FOXP1: variants seen among roughly 807,000 people sequenced by gnomAD.
The protein encoded by FOXP1 is forkhead box P1.
In FOXP1, 15 loss-of-function variants were observed where a neutral mutation model predicts 98.2. That is an observed-to-expected ratio of 0.15 (90% CI 0.10 to 0.24). FOXP1 has a LOEUF of 0.24. Ranked by LOEUF, FOXP1 falls within the 10% of genes least tolerant of loss-of-function variation. The pLI, the probability that FOXP1 is intolerant of heterozygous loss-of-function variation, is 1.00. For synonymous variants in FOXP1, 371 were observed against 314.5 expected (o/e 1.18, Z -1.90); for missense variants, 633 against 848.5 (o/e 0.75, Z 3.15).
chr3:71,113,797 T>A, intron 6 of FOXP1, among the ~76,000 whole-genome samples: 1 of 137,596 alleles, frequency 7.3e-6, no homozygotes, highest in East Asian at 2.6e-4. Flanking sequence ...ATGTCATCAA[T>A]AAACCGCCAT....
intron 7 of FOXP1, among the ~76,000 whole-genome samples, chr3:71,080,358 G>C (rs1223617302): frequency 6.6e-6 from 1 of 152,130 alleles, no homozygotes; most frequent in Non-Finnish European, 1.5e-5. Flanking sequence ...AGATGAAAAT[G>C]AATCTCTGGA....
intron 7 of FOXP1, 131 bp downstream of exon 7, chr3:71,112,404 TA>T: frequency 1.3e-6 from 1 of 769,322 alleles, no homozygotes; most frequent in Non-Finnish European, 2.2e-6. Flanking sequence ...AACTTGCTGG[TA>T]AACCAAAAAT....
intron 3 of FOXP1, among the ~76,000 whole-genome samples, chr3:71,370,087 G>C (rs916469273): frequency 6.6e-6 from 1 of 152,146 alleles, no homozygotes; most frequent in East Asian, 1.9e-4. Flanking sequence ...ATGATCCTAG[G>C]ATTTTCTGAC....
intron 6 of FOXP1, among the ~76,000 whole-genome samples, chr3:71,156,118 C>A (rs2060810419): frequency 1.3e-5 from 2 of 152,126 alleles, no homozygotes; most frequent in Admixed American, 1.3e-4. Context: ...ATCAGGAGGA[C>A]TGCTGAACGA....
intron 6 of FOXP1, among the ~76,000 whole-genome samples, chr3:71,188,366 C>G (rs576965062): frequency 6.6e-6 from 1 of 151,728 alleles, no homozygotes; most frequent in Non-Finnish European, 1.5e-5. Flanking sequence ...GATAAAAACA[C>G]GAATGTAGGA....
intron 7 of FOXP1, among the ~76,000 whole-genome samples, chr3:71,104,495 GT>G (rs904940023): frequency 6.6e-6 from 1 of 151,922 alleles, no homozygotes; most frequent in Admixed American, 6.6e-5. Flanking sequence ...TTACATTTCA[GT>G]TTTTTTTCTT....
rs79587124 is a variant in FOXP1, at chr3:71,107,854, A to G, written c.282+4682T>C. Among the ~76,000 whole-genome samples, 702 of 152,348 alleles carry G rather than the reference A, an allele frequency of 4.6e-3. 6 individuals carry two copies. The highest frequency in any genetic ancestry group is 5.9e-3 in the Non-Finnish European group (403 of 68,028). On this transcript the variant is annotated intron_variant, in intron 7 of 20. Coordinates refer to ENST00000649528, the MANE Select transcript of FOXP1 (RefSeq NM_001349338.3). ...AAATGCTGCCTAAAGCATGTTTTAT[A>G]TAACTGCAAATAAAAATGCTAAAAA...
intron 20 of FOXP1, among the ~76,000 whole-genome samples, chr3:70,961,625 T>C (rs1460055907): frequency 1.3e-5 from 2 of 151,854 alleles, no homozygotes; most frequent in East Asian, 3.8e-4. Flanking sequence ...GCATTACGGA[T>C]GGGGATTTTT....
At chr3:71,173,986 C>A (rs1221146489) in intron 6 of FOXP1, among the ~76,000 whole-genome samples, 9 of 152,080 alleles carry the variant, frequency 5.9e-5, no homozygotes, top group Admixed American at 5.9e-4. Flanking sequence ...AACTTTACCA[C>A]CCTCTACACA....
At chr3:71,257,443 AG>A (rs933914910) in intron 5 of FOXP1, among the ~76,000 whole-genome samples, 27 of 152,010 alleles carry the variant, frequency 1.8e-4, no homozygotes, top group African/African-American at 5.8e-4. Context: ...AAAATAGCCG[AG>A]GGTGGTGGCA....
intron 6 of FOXP1, among the ~76,000 whole-genome samples, chr3:71,146,050 A>G (rs1266564039): frequency 6.6e-6 from 1 of 152,202 alleles, no homozygotes; most frequent in African/African-American, 2.4e-5. Flanking sequence ...GGAAATGAAA[A>G]ATGCAACCCG....
intron 6 of FOXP1, among the ~76,000 whole-genome samples, chr3:71,117,583 G>A (rs905185902): frequency 6.6e-6 from 1 of 152,126 alleles, no homozygotes; most frequent in African/African-American, 2.4e-5. Flanking sequence ...AAGGAAGAAG[G>A]AGAGGGCAAG....
At chr3:70,969,947 C>T (rs991825349) in intron 19 of FOXP1, 2 of 152,270 alleles carry the variant, frequency 1.3e-5, no homozygotes, top group African/African-American at 4.8e-5. Context: ...GAGTACTACA[C>T]CCAGGTACTT....
chr3:71,035,254 A>G (rs936308406), intron 11 of FOXP1, among the ~76,000 whole-genome samples: 11 of 152,258 alleles, frequency 7.2e-5, no homozygotes, highest in African/African-American at 2.4e-4. Context: ...TCAGACCAAG[A>G]AAGTCCAGGT....
At chr3:71,005,510 G>T (rs940956374) in intron 12 of FOXP1, among the ~76,000 whole-genome samples, 1 of 151,716 alleles carries the variant, frequency 6.6e-6, no homozygotes, top group Admixed American at 6.6e-5. Flanking sequence ...TATATTATTT[G>T]GGGGAAATGT....
chr3:71,002,606 T>G (rs757776530), intron 12 of FOXP1, among the ~76,000 whole-genome samples: 1 of 152,178 alleles, frequency 6.6e-6, no homozygotes, highest in Non-Finnish European at 1.5e-5. Flanking sequence ...GTTCTTAAAC[T>G]GGGATCATTC....
At chr3:71,312,410 A>G (rs555128913) in intron 4 of FOXP1, among the ~76,000 whole-genome samples, 2 of 152,358 alleles carry the variant, frequency 1.3e-5, no homozygotes, top group East Asian at 1.9e-4. Flanking sequence ...TTCACTACGA[A>G]GAATTCAGGC....
chr3:70,957,102 G>A lies in FOXP1; in HGVS notation c.*2145C>T, dbSNP rs2032015568. The A allele has an allele frequency of 4.5e-6, 1 of 221,300 alleles. No individual in the cohort carries two copies. The highest frequency in any genetic ancestry group is 2.2e-5 in the African/African-American group (1 of 44,588). 13.7% of individuals were successfully genotyped at this position (221,300 alleles called of 1,614,324 possible). A position where few individuals can be genotyped will look rare whatever the true frequency, so the allele number is the denominator to read the frequency against. On this transcript the variant is annotated 3_prime_UTR_variant, in exon 21 of 21. Transcript: ENST00000649528. ...TCAATTATGGAAGCTTTTCTGTCCT[G>A]ACTCTAAACTGTCTCCTTTATTGGA...
intron 3 of FOXP1, among the ~76,000 whole-genome samples, chr3:71,425,718 G>C (rs1242890826): frequency 4.0e-5 from 6 of 151,196 alleles, no homozygotes; most frequent in African/African-American, 1.2e-4. Context: ...ATTTCATTTG[G>C]TCAAGGCAAT....
Sources: allele counts gnomAD v4.1 joint callset (sites outside exome capture counted in the v4.1 genomes callset), GRCh38; gene constraint gnomAD v4.1.1; transcripts MANE v1.5; gene names NCBI Gene and HGNC (gene_info 2026-07-23, HGNC 2026-07-21).